Variants in MOCOS observed in about 807,000 individuals in gnomAD.
The protein encoded by MOCOS is molybdenum cofactor sulfurase, also known as human molybdenum cofactor sulfurase.
MOCOS carries 86 observed loss-of-function variants against 83.6 expected under a neutral mutation model. That is an observed-to-expected ratio of 1.03 (90% CI 0.86 to 1.23). MOCOS has a LOEUF of 1.23. Ranked by LOEUF, MOCOS falls within the 50% of genes most tolerant of loss-of-function variation. The pLI is 0.00. For missense variants in MOCOS, 1,120 were observed against 1,126.9 expected (o/e 0.99, Z 0.09); for synonymous variants, 445 against 434.7 (o/e 1.02, Z -0.29).
intron 12 of MOCOS, among the ~76,000 whole-genome samples, chr18:36,258,116 TG>T (rs2091649541): frequency 6.6e-6 from 1 of 151,932 alleles, no homozygotes; most frequent in Non-Finnish European, 1.5e-5. Context: ...CTGGAAAAAG[TG>T]GGTCTGCAGT....
At position 36,270,017 on chromosome 18, in the gene MOCOS, T is replaced by A. The variant is rs1013360034; in HGVS notation, c.*1332T>A. On this transcript the variant is annotated 3_prime_UTR_variant, in exon 15 of 15. Transcript: ENST00000261326. ...GATTTGAAAGATGAGGTGTGCTCTGTTCTCAAGGATTGTTGAGATGGAGCC... is the reference window on the plus strand; with the variant it reads ...GATTTGAAAGATGAGGTGTGCTCTGATCTCAAGGATTGTTGAGATGGAGCC... 2.0e-5 allele frequency: 3 copies of A among 152,250 alleles called. No homozygotes were observed. The highest frequency in any genetic ancestry group is 2.9e-5 in the Non-Finnish European group (2 of 68,046). The allele number at this position is 152,250 out of a possible 1,614,324, so 9.4% of individuals were successfully genotyped here. A position where few individuals can be genotyped will look rare whatever the true frequency, so the allele number is the denominator to read the frequency against.
At chr18:36,254,605 A>G (rs1568067759) in intron 11 of MOCOS, among the ~76,000 whole-genome samples, 1 of 150,558 alleles carries the variant, frequency 6.6e-6, no homozygotes, top group African/African-American at 2.4e-5. Flanking sequence ...GTATATATAT[A>G]TACACACACA....
At chr18:36,192,315 A>T (rs1411480881) in intron 1 of MOCOS, among the ~76,000 whole-genome samples, 1 of 152,264 alleles carries the variant, frequency 6.6e-6, no homozygotes, top group Non-Finnish European at 1.5e-5. Context: ...ATACATTGGC[A>T]ATAGATACTA....
Position 36,247,640 on chromosome 18 carries a change from G to A in MOCOS, c.1961-1282G>A, listed in dbSNP as rs139643866. Among the ~76,000 whole-genome samples, 16 of 152,308 alleles carry A rather than the reference G, an allele frequency of 1.1e-4. No individual in the cohort carries two copies. The East Asian group carries it at 2.5e-3, about 24-fold the overall frequency. On this transcript the variant is annotated intron_variant, in intron 9 of 14. Transcript: ENST00000261326. ...CTGCCTAAATCCATTTCAGCTCTAGGTAAGGGTAAATCTTTCCCTTGTCAT... is the reference window on the plus strand; with the variant it reads ...CTGCCTAAATCCATTTCAGCTCTAGATAAGGGTAAATCTTTCCCTTGTCAT...
Position 36,251,265 on chromosome 18 carries a change from A to G in MOCOS, c.2146A>G (p.Lys716Glu). ...KQSSNSQRNA[K>E]KKHGKDQLPG... ...AAGTTCAAACTCTCAAAGGAATGCA[A>G]AGAAGAAACATGGAAAAGGTATTAC... is the stretch of plus-strand genomic sequence containing the variant. The change falls in exon 11 of 15, where the codon AAG becomes GAG. Residue 716 changes from lysine (K) to glutamate (E), a missense_variant. Coordinates refer to ENST00000261326, the MANE Select transcript of MOCOS (RefSeq NM_017947.4). 6.2e-7 allele frequency: 1 copy of G among 1,614,110 alleles called. No individual in the cohort carries two copies. Among genetic ancestry groups the G allele is most frequent in the Non-Finnish European group, 8.5e-7 (1 of 1,179,980 alleles).
At chr18:36,198,944 T>C (rs574334356) in intron 3 of MOCOS, among the ~76,000 whole-genome samples, 188 bp downstream of exon 3, 1 of 152,258 alleles carries the variant, frequency 6.6e-6, no homozygotes, top group East Asian at 1.9e-4. Flanking sequence ...GTAGATGCAG[T>C]GTGGGGCAGA....
In MOCOS at chr18:36,200,181, C is replaced by T. The variant is rs764347152; in HGVS notation, c.798C>T (p.Phe266=). The change falls in exon 4 of 15, where the codon TTC becomes TTT. Residue 266 remains phenylalanine, a synonymous_variant. Transcript: ENST00000261326. The part of the protein sequence containing the change: ...DFVPISFYKI[F]GFPTGLGALL... ...TCCCCATCTCCTTCTATAAGATCTT[C>T]GGGTTTCCTACAGGCCTGGGCGCTC... The T allele has an allele frequency of 2.4e-5, 38 of 1,614,098 alleles. 1 individual carries two copies. The highest frequency in any genetic ancestry group is 1.5e-4 in the South Asian group (14 of 91,084).
chr18:36,257,884 G>C (rs1370586423), intron 12 of MOCOS, among the ~76,000 whole-genome samples: 1 of 152,174 alleles, frequency 6.6e-6, no homozygotes, highest in African/African-American at 2.4e-5. Flanking sequence ...TACAAATACA[G>C]TTTAATAAAG....
intron 11 of MOCOS, among the ~76,000 whole-genome samples, chr18:36,253,149 C>A (rs2091628132): frequency 6.6e-6 from 1 of 152,114 alleles, no homozygotes; most frequent in Non-Finnish European, 1.5e-5. Context: ...TTCATAGCAC[C>A]CATTGCCTAC....
chr18:36,187,919 C>G (rs375898569), intron 1 of MOCOS, among the ~76,000 whole-genome samples: 1 of 152,216 alleles, frequency 6.6e-6, no homozygotes, highest in Admixed American at 6.5e-5. Context: ...CCAACCTAGC[C>G]GTCTTCCCCT....
intron 11 of MOCOS, among the ~76,000 whole-genome samples, chr18:36,252,446 T>C (rs1057384442): frequency 6.6e-6 from 1 of 152,102 alleles, no homozygotes; most frequent in Non-Finnish European, 1.5e-5. Flanking sequence ...TAGTCCCAGC[T>C]ACTTGGGAGG....
intron 9 of MOCOS, among the ~76,000 whole-genome samples, chr18:36,238,520 CT>C (rs1194214724): frequency 1.3e-4 from 20 of 148,396 alleles, no homozygotes; most frequent in African/African-American, 4.7e-4. Flanking sequence ...AATTTCTGTT[CT>C]TTTACATTTG....
Position 36,187,615 on chromosome 18 carries a change from C to T in MOCOS, c.76C>T (p.Leu26=). The part of the protein sequence containing the change: ...AGSRDPSAPR[L]AYGYGPGSLR... Reference sequence around the variant, plus strand: ...TTCCCGGGACCCGAGCGCACCGCGGCTAGCCTACGGCTACGGCCCGGGCAG... The same window carrying T: ...TTCCCGGGACCCGAGCGCACCGCGGTTAGCCTACGGCTACGGCCCGGGCAG... Residue 26 remains leucine, a synonymous_variant, in exon 1 of 15, where the codon CTA becomes TTA. Coordinates refer to ENST00000261326, the MANE Select transcript of MOCOS (RefSeq NM_017947.4). 8.0e-7 allele frequency: 1 copy of T among 1,251,124 alleles called. No homozygotes were observed. 77.5% of individuals were successfully genotyped at this position (1,251,124 alleles called of 1,614,324 possible). A position where few individuals can be genotyped will look rare whatever the true frequency, so the allele number is the denominator to read the frequency against.
chr18:36,267,006 T>C (rs1193341336), intron 14 of MOCOS, among the ~76,000 whole-genome samples, 153 bp downstream of exon 14: 2 of 152,068 alleles, frequency 1.3e-5, no homozygotes, highest in Non-Finnish European at 2.9e-5. Context: ...TCCTTGTTTG[T>C]AGTTTCATTT....
chr18:36,244,799 C>T (rs1219317797), intron 9 of MOCOS, among the ~76,000 whole-genome samples: 1 of 152,102 alleles, frequency 6.6e-6, no homozygotes, highest in Non-Finnish European at 1.5e-5. Context: ...TTTGAGAACT[C>T]CAATTCCGGT....
At chr18:36,232,608 T>G (rs993073458) in intron 9 of MOCOS, among the ~76,000 whole-genome samples, 2 of 152,094 alleles carry the variant, frequency 1.3e-5, no homozygotes, top group Non-Finnish European at 2.9e-5. Context: ...TACCTGTAAT[T>G]TTGTACCCAT....
In MOCOS at chr18:36,248,823, C is replaced by T. The variant is rs1387577998; in HGVS notation, c.1961-99C>T. 1.2e-5 allele frequency: 11 copies of T among 929,990 alleles called. No individual in the cohort carries two copies. In the East Asian group the frequency reaches 2.3e-4, roughly 19 times the overall value. The allele number at this position is 929,990 out of a possible 1,614,324, so 57.6% of individuals were successfully genotyped here. The stretch of plus-strand genomic sequence containing the variant: ...TATGTGTCTATTTTTATGTCAGTAC[C>T]ATGCTGTTTTGGTTACTACAGCTTT... On this transcript the variant is annotated intron_variant, in intron 9 of 14. Transcript: ENST00000261326.
intron 11 of MOCOS, among the ~76,000 whole-genome samples, chr18:36,255,380 T>G (rs1432083046): frequency 6.6e-6 from 1 of 152,228 alleles, no homozygotes; most frequent in Non-Finnish European, 1.5e-5. Flanking sequence ...TCCTGCAGTT[T>G]TGTGGAGAGC....
Position 36,256,994 on chromosome 18 carries a change from C to A in MOCOS, c.2191C>A (p.Leu731Ile), listed in dbSNP as rs1277741640. 2 of 1,614,142 alleles carry A rather than the reference C, an allele frequency of 1.2e-6. No homozygotes were observed. The highest frequency in any genetic ancestry group is 1.7e-4 in the Middle Eastern group (1 of 6,060). The change falls in exon 12 of 15, where the codon CTT becomes ATT. Residue 731 changes from leucine (L) to isoleucine (I), a missense_variant. By Grantham distance (5) the Leu-to-Ile change is conservative. Coordinates refer to ENST00000261326, the MANE Select transcript of MOCOS (RefSeq NM_017947.4). ...KDQLPGTMAT[L>I]SLVNEAQYLL... ...TCAACTTCCTGGTACAATGGCCACC[C>A]TTTCTCTGGTGAATGAGGCACAGTA...
Sources: gnomAD v4.1 joint callset for allele counts (sites outside exome capture counted in the v4.1 genomes callset) on GRCh38, gnomAD v4.1.1 for gene constraint, MANE v1.5 for transcripts, NCBI Gene and HGNC (gene_info 2026-07-23, HGNC 2026-07-21) for gene names.